WWP1: variants seen among roughly 807,000 people sequenced by gnomAD.
WWP1 encodes the protein NEDD4-like E3 ubiquitin-protein ligase WWP1.
Under a neutral mutation model 130.6 loss-of-function variants are expected in WWP1, and 49 were observed. The ratio of observed to expected loss-of-function variants is 0.38; its 90% confidence interval spans 0.30 to 0.48. The LOEUF (loss-of-function observed/expected upper bound fraction) is 0.48, where lower values mean the gene tolerates loss of function less well. WWP1 is among the 20% of genes least tolerant of loss of function. The pLI is 0.99. For synonymous variants in WWP1, 332 were observed against 367.8 expected (o/e 0.90, Z 1.11); for missense variants, 809 against 1,100.6 (o/e 0.74, Z 3.75).
intron 1 of WWP1, among the ~76,000 whole-genome samples, chr8:86,343,621 A>G (rs938185663): frequency 6.6e-6 from 1 of 152,090 alleles, no homozygotes; most frequent in Admixed American, 6.6e-5. Context: ...AGTCTTGTTC[A>G]CAGTCCTTTC....
At chr8:86,421,631 T>G (rs1809212675) in intron 9 of WWP1, among the ~76,000 whole-genome samples, 1 of 152,082 alleles carries the variant, frequency 6.6e-6, no homozygotes, top group Non-Finnish European at 1.5e-5. Context: ...GAGACCATTC[T>G]GGCTAACACG....
At chr8:86,401,731 A>T (rs1807990307) in intron 7 of WWP1, among the ~76,000 whole-genome samples, 1 of 152,140 alleles carries the variant, frequency 6.6e-6, no homozygotes, top group African/African-American at 2.4e-5. Context: ...TTGACTTAGT[A>T]TGTTTGTATA....
chr8:86,358,183 T>C (rs1406109824), intron 1 of WWP1, among the ~76,000 whole-genome samples: 2 of 152,174 alleles, frequency 1.3e-5, no homozygotes, highest in Admixed American at 1.3e-4. Flanking sequence ...GTATTGGACG[T>C]TTTTCTATTG....
intron 20 of WWP1, among the ~76,000 whole-genome samples, chr8:86,451,214 TAAAAAAAAAAAAAAAAAAAAAAAAAAA>T (rs61141803): frequency 1.8e-4 from 8 of 43,680 alleles, no homozygotes; most frequent in African/African-American, 5.9e-4. Context: ...CCTATGTTAT[TAAAAAAAAAAAAAAAAAAAAAAAAAAA>T]AAAAAAAAAA....
chr8:86,424,453 C>T (rs1276327552), intron 9 of WWP1, among the ~76,000 whole-genome samples: 12 of 151,912 alleles, frequency 7.9e-5, no homozygotes, highest in South Asian at 2.1e-4. Flanking sequence ...CCAAGGCAGG[C>T]GGCTGGGAGG....
chr8:86,353,489 A>G (rs541416726), intron 1 of WWP1, among the ~76,000 whole-genome samples: 205 of 151,742 alleles, frequency 1.4e-3, no homozygotes, highest in African/African-American at 4.8e-3. Flanking sequence ...TGAGGAGCCT[A>G]TTGTTTTTTT....
chr8:86,420,417 C>A (rs1434377759), intron 9 of WWP1, among the ~76,000 whole-genome samples: 1 of 152,084 alleles, frequency 6.6e-6, no homozygotes, highest in Non-Finnish European at 1.5e-5. Context: ...TGTTCCATGG[C>A]TCATCTGTGG....
At chr8:86,454,765 C>T (rs1234307184) in intron 21 of WWP1, among the ~76,000 whole-genome samples, 1 of 151,932 alleles carries the variant, frequency 6.6e-6, no homozygotes, top group Non-Finnish European at 1.5e-5. Flanking sequence ...GTACCCTTGG[C>T]AGGGTTTATA....
chr8:86,428,784 A>G (rs1281753138), intron 11 of WWP1, among the ~76,000 whole-genome samples: 1 of 152,216 alleles, frequency 6.6e-6, no homozygotes, highest in Non-Finnish European at 1.5e-5. Context: ...TGTATATAGT[A>G]ATTATACCGT....
intron 5 of WWP1, among the ~76,000 whole-genome samples, chr8:86,387,281 T>G (rs1825337028): frequency 1.3e-5 from 2 of 152,096 alleles, no homozygotes; most frequent in Admixed American, 6.6e-5. Context: ...GGAAAGATAT[T>G]TATATTAGAA....
At chr8:86,403,380 C>G (rs1808106338) in intron 8 of WWP1, among the ~76,000 whole-genome samples, 2 of 152,180 alleles carry the variant, frequency 1.3e-5, no homozygotes, top group Admixed American at 1.3e-4. Flanking sequence ...ACTGCAACTT[C>G]TGCCTCCTGG....
intron 3 of WWP1, among the ~76,000 whole-genome samples, chr8:86,377,095 C>CT (rs986115731): frequency 1.5e-4 from 23 of 150,768 alleles, no homozygotes; most frequent in East Asian, 3.9e-4. Context: ...TTGATTTTTT[C>CT]TTTTTTTTGA....
intron 22 of WWP1, among the ~76,000 whole-genome samples, chr8:86,460,043 C>T (rs1811673399): frequency 6.6e-6 from 1 of 152,240 alleles, no homozygotes; most frequent in Admixed American, 6.5e-5. Flanking sequence ...TACATTTCCA[C>T]TCTTAATCTG....
chr8:86,385,527 A>G (rs1187519171), intron 5 of WWP1, among the ~76,000 whole-genome samples: 1 of 152,228 alleles, frequency 6.6e-6, no homozygotes, highest in Non-Finnish European at 1.5e-5. Context: ...AATGAATGGC[A>G]GAAAGGATAA....
intron 3 of WWP1, among the ~76,000 whole-genome samples, chr8:86,378,095 A>G (rs1484131307): frequency 1.3e-5 from 2 of 152,128 alleles, no homozygotes; most frequent in Non-Finnish European, 2.9e-5. Flanking sequence ...TTTTAAAAAA[A>G]TATTTTGAGA....
intron 5 of WWP1, among the ~76,000 whole-genome samples, chr8:86,384,060 C>A (rs1825142233): frequency 6.6e-6 from 1 of 152,118 alleles, no homozygotes; most frequent in Non-Finnish European, 1.5e-5. Context: ...GACATCTTTT[C>A]CCTGTATCTT....
chr8:86,374,713 C>CT (rs952743003), intron 3 of WWP1, among the ~76,000 whole-genome samples: 19 of 151,392 alleles, frequency 1.3e-4, no homozygotes, highest in Non-Finnish European at 2.7e-4. Flanking sequence ...ATATTCATAT[C>CT]TTTTTTTTTC....
At chr8:86,353,674 G>A (rs1395525713) in intron 1 of WWP1, among the ~76,000 whole-genome samples, 1 of 152,014 alleles carries the variant, frequency 6.6e-6, no homozygotes, top group Non-Finnish European at 1.5e-5. Flanking sequence ...TAGAGATGGG[G>A]GTTTCACCAT....
chr8:86,459,037 T>TTTTTTTTTTTTTTTTTTTTC (rs1811617464), intron 22 of WWP1, among the ~76,000 whole-genome samples: 1 of 124,656 alleles, frequency 8.0e-6, no homozygotes, highest in African/African-American at 2.8e-5. Context: ...TTTTTTTTTT[T>TTTTTTTTTTTTTTTTTTTTC]TTTTTTTTTT....
Sources: gnomAD v4.1 joint callset for allele counts (sites outside exome capture counted in the v4.1 genomes callset) on GRCh38, gnomAD v4.1.1 for gene constraint, MANE v1.5 for transcripts, NCBI Gene and HGNC (gene_info 2026-07-23, HGNC 2026-07-21) for gene names.